CDH23: variants seen among roughly 807,000 people sequenced by gnomAD.
CDH23 encodes cadherin related 23.
A neutral mutation model predicts 317.1 loss-of-function variants in CDH23; 189 were observed. That is an observed-to-expected ratio of 0.60 (90% CI 0.53 to 0.67). CDH23 has a LOEUF of 0.67. CDH23 is among the 30% of genes least tolerant of loss of function. The probability of loss-of-function intolerance (pLI) is 0.00; values close to 1 mark genes in which losing one functional copy is unlikely to be tolerated. For synonymous variants in CDH23, 1,839 were observed against 1,876.8 expected, an observed-to-expected ratio of 0.98 and a Z score of 0.52; for missense variants, 4,401 against 4,592.4, an observed-to-expected ratio of 0.96 and a Z score of 1.20.
intron 3 of CDH23, among the ~76,000 whole-genome samples, chr10:71,467,010 T>C (rs759013974): frequency 1.1e-4 from 17 of 152,188 alleles, no homozygotes; most frequent in Non-Finnish European, 2.1e-4. Context: ...GGGTGTGCTC[T>C]ACTCAGGGTT....
chr10:71,669,357 C>T (rs1864046344), intron 14 of CDH23, among the ~76,000 whole-genome samples: 1 of 152,208 alleles, frequency 6.6e-6, no homozygotes, highest in African/African-American at 2.4e-5. Flanking sequence ...TTCAAGCCCA[C>T]TTTCAGCCTT....
intron 3 of CDH23, among the ~76,000 whole-genome samples, chr10:71,497,808 G>A (rs897738743): frequency 6.6e-6 from 1 of 152,186 alleles, no homozygotes; most frequent in African/African-American, 2.4e-5. Flanking sequence ...GGTTGACTGT[G>A]GACTTGTCAC....
At chr10:71,491,143 C>T (rs891340265) in intron 3 of CDH23, among the ~76,000 whole-genome samples, 3 of 152,316 alleles carry the variant, frequency 2.0e-5, no homozygotes, top group Middle Eastern at 3.4e-3. Flanking sequence ...GAGCTCCTCG[C>T]GTCATGTGAT....
chr10:71,643,902 G>T, intron 12 of CDH23, 36 bp downstream of exon 12: 1 of 766,070 alleles, frequency 1.3e-6, no homozygotes, highest in South Asian at 1.3e-5. Flanking sequence ...GTTGGGCTTG[G>T]GGAGGGCTTG....
intron 7 of CDH23, among the ~76,000 whole-genome samples, chr10:71,567,511 G>A (rs1436334077): frequency 1.8e-4 from 28 of 152,374 alleles, no homozygotes; most frequent in Admixed American, 1.8e-3. Flanking sequence ...GAAGGCAGGA[G>A]AGGGTAATTA....
At chr10:71,515,394 T>TCTCTCTCTCTCTCTCACACACACA (rs1491490493) in intron 6 of CDH23, among the ~76,000 whole-genome samples, 1 of 26,630 alleles carries the variant, frequency 3.8e-5, no homozygotes, top group African/African-American at 8.5e-5. Context: ...TCTCTCTCTC[T>TCTCTCTCTCTCTCTCACACACACA]CACACACACA....
chr10:71,574,210 G>A (rs190478857), intron 8 of CDH23, among the ~76,000 whole-genome samples: 1 of 151,738 alleles, frequency 6.6e-6, no homozygotes, highest in East Asian at 1.9e-4. Flanking sequence ...CTCACAGCAT[G>A]TATGCCTCCC....
intron 1 of CDH23, among the ~76,000 whole-genome samples, chr10:71,413,923 T>G (rs1848433658): frequency 6.6e-6 from 1 of 152,180 alleles, no homozygotes; most frequent in Non-Finnish European, 1.5e-5. Flanking sequence ...GATGCTATTG[T>G]AAATGGAACT....
chr10:71,599,652 T>A (rs907049812), intron 9 of CDH23, among the ~76,000 whole-genome samples: 6 of 152,170 alleles, frequency 3.9e-5, no homozygotes, highest in Non-Finnish European at 8.8e-5. Flanking sequence ...AAATTTTCCA[T>A]AGTAAAACTT....
At chr10:71,546,838 T>G (rs1185141695) in intron 6 of CDH23, among the ~76,000 whole-genome samples, 1 of 152,164 alleles carries the variant, frequency 6.6e-6, no homozygotes, top group Non-Finnish European at 1.5e-5. Context: ...ACTCTCTAGG[T>G]GCCTGTCAGT....
chr10:71,637,644 C>G (rs1456471583), intron 11 of CDH23, among the ~76,000 whole-genome samples: 1 of 152,122 alleles, frequency 6.6e-6, no homozygotes, highest in Non-Finnish European at 1.5e-5. Context: ...TCATGGGGCT[C>G]TTCCCTGGCA....
chr10:71,564,041 A>T (rs572782437), intron 6 of CDH23, among the ~76,000 whole-genome samples: 2 of 152,348 alleles, frequency 1.3e-5, no homozygotes, highest in South Asian at 4.1e-4. Context: ...GAGGTTTAAC[A>T]GCATATGTCT....
chr10:71,433,163 T>C (rs528532068), intron 1 of CDH23, among the ~76,000 whole-genome samples: 1 of 152,258 alleles, frequency 6.6e-6, no homozygotes, highest in Admixed American at 6.5e-5. Context: ...ACACCCTGGC[T>C]TCACTCCACA....
intron 57 of CDH23, among the ~76,000 whole-genome samples, chr10:71,806,972 T>A (rs1217393517): frequency 6.6e-6 from 1 of 152,208 alleles, no homozygotes; most frequent in Non-Finnish European, 1.5e-5. Flanking sequence ...GCACATGGGA[T>A]GTGATGTTCC....
chr10:71,600,094 C>T (rs1203564404), intron 9 of CDH23, among the ~76,000 whole-genome samples: 1 of 150,962 alleles, frequency 6.6e-6, no homozygotes, highest in Non-Finnish European at 1.5e-5. Context: ...CCTCCGCCTC[C>T]CAGGTTCAAG....
At chr10:71,488,145 C>A (rs918523744) in intron 3 of CDH23, among the ~76,000 whole-genome samples, 2 of 152,190 alleles carry the variant, frequency 1.3e-5, no homozygotes, top group African/African-American at 4.8e-5. Context: ...GGGAGATGGA[C>A]CATCAACAGT....
intron 1 of CDH23, among the ~76,000 whole-genome samples, chr10:71,398,957 G>C (rs1847661659): frequency 6.6e-6 from 1 of 152,150 alleles, no homozygotes. Flanking sequence ...CTCAGACTTG[G>C]CCTTCCTCAC....
intron 9 of CDH23, among the ~76,000 whole-genome samples, chr10:71,601,981 C>A (rs1428586108): frequency 6.6e-6 from 1 of 151,568 alleles, no homozygotes; most frequent in African/African-American, 2.4e-5. Flanking sequence ...GCTCTGCAGC[C>A]CCCAGGGGAC....
intron 1 of CDH23, among the ~76,000 whole-genome samples, chr10:71,415,997 G>A (rs1589278114): frequency 1.3e-5 from 2 of 152,142 alleles, no homozygotes; most frequent in South Asian, 4.1e-4. Flanking sequence ...TTTTATCAAT[G>A]AGGTTAAATA....
Sources: allele counts gnomAD v4.1 joint callset (sites outside exome capture counted in the v4.1 genomes callset), GRCh38; gene constraint gnomAD v4.1.1; transcripts MANE v1.5; gene names NCBI Gene and HGNC (gene_info 2026-07-23, HGNC 2026-07-21).